The following EML6 variants were observed in gnomAD, a reference collection of about 807,000 sequenced individuals.
EML6 encodes the protein echinoderm microtubule-associated protein-like 6.
A neutral mutation model predicts 240.1 loss-of-function variants in EML6; 154 were observed. That is an observed-to-expected ratio of 0.64 (90% CI 0.56 to 0.73). EML6 has a LOEUF of 0.73. EML6 is among the 30% of genes least tolerant of loss of function. The probability of loss-of-function intolerance (pLI) is 0.00; values close to 1 mark genes in which losing one functional copy is unlikely to be tolerated. For missense variants in EML6, 2,964 were observed against 2,474.6 expected (o/e 1.20, Z -4.20); for synonymous variants, 1,148 against 899.0 (o/e 1.28, Z -4.95).
At chr2:54,755,119 C>T (rs1684341438) in intron 2 of EML6, among the ~76,000 whole-genome samples, 1 of 152,134 alleles carries the variant, frequency 6.6e-6, no homozygotes, top group African/African-American at 2.4e-5. Flanking sequence ...TACAGTTAAC[C>T]CAGATCTATT....
At chr2:54,968,549 A>G in intron 40 of EML6, 119 bp from the exon 41 acceptor site, 1 of 721,518 alleles carries the variant, frequency 1.4e-6, no homozygotes, top group Non-Finnish European at 2.4e-6. Flanking sequence ...GTCCAGACCA[A>G]ATGGAAGTCC....
At chr2:54,899,013 T>A (rs1189046939) in intron 21 of EML6, among the ~76,000 whole-genome samples, 5 of 152,236 alleles carry the variant, frequency 3.3e-5, no homozygotes, top group African/African-American at 9.6e-5. Flanking sequence ...TTTCAGTTTT[T>A]GATGTTCATT....
chr2:54,875,118 C>G (rs916164397), intron 16 of EML6, among the ~76,000 whole-genome samples: 3 of 152,186 alleles, frequency 2.0e-5, no homozygotes, highest in Admixed American at 2.0e-4. Flanking sequence ...GTAAGCTTGT[C>G]CATCTGCCCT....
chr2:54,904,487 G>A (rs1673213940), intron 24 of EML6, among the ~76,000 whole-genome samples: 1 of 152,184 alleles, frequency 6.6e-6, no homozygotes, highest in African/African-American at 2.4e-5. Flanking sequence ...GTAGAAGGGA[G>A]TGACCTTTGA....
intron 7 of EML6, among the ~76,000 whole-genome samples, chr2:54,839,666 G>T (rs562600280): frequency 6.6e-6 from 1 of 152,232 alleles, no homozygotes; most frequent in Non-Finnish European, 1.5e-5. Context: ...ATCGGAGATG[G>T]TGAGGTGTCA....
chr2:54,927,109 G>C (rs1674588485), intron 26 of EML6, among the ~76,000 whole-genome samples: 2 of 152,160 alleles, frequency 1.3e-5, no homozygotes, highest in South Asian at 4.1e-4. Context: ...AAATTCTTTT[G>C]TTCTGCCTAT....
rs1221737011 is a variant in EML6, at chr2:54,968,178, C to T, written c.5648C>T (p.Ala1883Val). The part of the protein sequence containing the change: ...IGIWPRNADK[A>V]DVNCACVTHA... ...ATCTGGCCACGAAATGCAGACAAGG[C>T]TGATGTCAACTGCGCATGTGTGACC... is the stretch of plus-strand genomic sequence containing the variant. The change falls in exon 40 of 42, where the codon GCT becomes GTT. Residue 1883 changes from alanine to valine, a missense_variant. Physicochemically the swap from Ala to Val is moderately conservative, Grantham distance 64. Transcript: ENST00000356458. The T allele has an allele frequency of 6.4e-7, 1 of 1,551,670 alleles. No homozygotes were observed. The highest frequency in any genetic ancestry group is 8.7e-7 in the Non-Finnish European group (1 of 1,146,990).
In EML6 at chr2:54,853,805, G is replaced by C. The variant is rs115858517; in HGVS notation, c.1607G>C (p.Gly536Ala). ...TACAACAGCTCAGTGCTGGTGTCTG[G>C]AGATGATTTTGGACTGGTTAAATTG... ...ANYNSSVLVS[G>A]DDFGLVKLFK... is the part of the protein sequence containing the mutation. The change falls in exon 11 of 42, where the codon GGA becomes GCA. Residue 536 changes from glycine (G) to alanine (A), a missense_variant. Gly to Ala is a moderately conservative substitution (Grantham distance 60). Coordinates refer to ENST00000356458, the MANE Select transcript of EML6 (RefSeq NM_001039753.4). The C allele has an allele frequency of 2.8e-4, 435 of 1,551,574 alleles. 6 individuals are homozygous for C. In the South Asian group the frequency reaches 4.9e-3, roughly 17 times the overall value.
chr2:54,791,021 G>A (rs937313180), intron 2 of EML6, among the ~76,000 whole-genome samples: 1 of 152,070 alleles, frequency 6.6e-6, no homozygotes, highest in Non-Finnish European at 1.5e-5. Context: ...CACCGCGCCC[G>A]GCCGGTAACT....
chr2:54,773,558 A>T (rs1345421836), intron 2 of EML6, among the ~76,000 whole-genome samples: 1 of 152,240 alleles, frequency 6.6e-6, no homozygotes, highest in Non-Finnish European at 1.5e-5. Flanking sequence ...TCAAGACTAA[A>T]GGAGATGTAT....
At chr2:54,964,766 C>G in intron 38 of EML6, 33 bp downstream of exon 38, 2 of 1,545,738 alleles carry the variant, frequency 1.3e-6, no homozygotes, top group East Asian at 2.4e-5. Flanking sequence ...TCTGGGGCAA[C>G]CAATAATAAC....
intron 2 of EML6, among the ~76,000 whole-genome samples, chr2:54,794,598 G>GT (rs1669651682): frequency 6.6e-6 from 1 of 152,052 alleles, no homozygotes; most frequent in Non-Finnish European, 1.5e-5. Flanking sequence ...TCTGCCTAAT[G>GT]TTTTTTCTAG....
chr2:54,838,459 C>G (rs1289878140), intron 7 of EML6, among the ~76,000 whole-genome samples: 2 of 152,212 alleles, frequency 1.3e-5, no homozygotes, highest in African/African-American at 4.8e-5. Context: ...TGTCACACAG[C>G]TGGCAACGGC....
chr2:54,945,987 T>C (rs1316496353), intron 28 of EML6, among the ~76,000 whole-genome samples: 1 of 152,174 alleles, frequency 6.6e-6, no homozygotes, highest in Non-Finnish European at 1.5e-5. Context: ...AGGGCCGACT[T>C]GTTACTCAAC....
chr2:54,955,695 A>G (rs906210119), intron 32 of EML6, among the ~76,000 whole-genome samples: 1 of 152,178 alleles, frequency 6.6e-6, no homozygotes, highest in Non-Finnish European at 1.5e-5. Context: ...TTGCTCACCC[A>G]GGGTCCCTTC....
chr2:54,822,975 ACAT>A (rs1263911130), intron 5 of EML6, among the ~76,000 whole-genome samples: 3 of 152,178 alleles, frequency 2.0e-5, no homozygotes, highest in Non-Finnish European at 2.9e-5. Context: ...ATCTAGGAAA[ACAT>A]CAGCTGAAAT....
chr2:54,968,335 G>A (rs1676839853), intron 40 of EML6, 54 bp downstream of exon 40: 2 of 1,509,852 alleles, frequency 1.3e-6, no homozygotes, highest in Non-Finnish European at 1.8e-6. Context: ...GCCGTCTGCA[G>A]GAGATAGGGG....
chr2:54,960,166 T>C, intron 34 of EML6, 54 bp from the exon 35 acceptor site: 1 of 1,245,380 alleles, frequency 8.0e-7, no homozygotes, highest in Non-Finnish European at 1.1e-6. Flanking sequence ...CCGGAGGGGG[T>C]AGTGGGTCTT....
In EML6 at chr2:54,916,845, C is replaced by G; in HGVS notation, c.3585C>G (p.Asp1195Glu). ...GIWPAHSDIT[D>E]VNAASLTKDC... Reference sequence around the variant, plus strand: ...GGCCAGCACATAGCGATATAACTGACGTAAATGCTGCCAGTCTTACCAAAG... The same window carrying G: ...GGCCAGCACATAGCGATATAACTGAGGTAAATGCTGCCAGTCTTACCAAAG... Residue 1195 changes from aspartate to glutamate, a missense_variant, in exon 26 of 42, where the codon GAC becomes GAG. Coordinates refer to ENST00000356458, the MANE Select transcript of EML6 (RefSeq NM_001039753.4). The G allele has an allele frequency of 6.4e-7, 1 of 1,551,028 alleles. No individual in the cohort carries two copies. Among genetic ancestry groups the G allele is most frequent in the Non-Finnish European group, 8.7e-7 (1 of 1,146,442 alleles).
Sources: allele counts gnomAD v4.1 joint callset (sites outside exome capture counted in the v4.1 genomes callset), GRCh38; gene constraint gnomAD v4.1.1; transcripts MANE v1.5; gene names NCBI Gene and HGNC (gene_info 2026-07-23, HGNC 2026-07-21).